The following RTL4 variants were observed in gnomAD, a reference collection of about 807,000 sequenced individuals.
RTL4 encodes the protein retrotransposon Gag-like protein 4.
In RTL4, 4 loss-of-function variants were observed where a neutral mutation model predicts 5.3. That is an observed-to-expected ratio of 0.75 (90% CI 0.37 to 1.72). The LOEUF (loss-of-function observed/expected upper bound fraction) is 1.72. Among genes scored for constraint, RTL4 ranks in the 40% most tolerant of loss-of-function variants. The pLI is 0.04. For synonymous variants in RTL4, 98 were observed against 87.3 expected (o/e 1.12, Z -0.68); for missense variants, 260 against 227.1 (o/e 1.14, Z -0.93).
the RTL4 span, among the ~76,000 whole-genome samples, chrX:112,323,668 T>C: frequency 9.1e-6 from 1 of 109,777 alleles, no homozygotes. Context: ...AATTTTTGTA[T>C]TTTTTGTAGA....
the RTL4 span, among the ~76,000 whole-genome samples, chrX:112,413,085 C>A: frequency 2.1e-3 from 232 of 111,883 alleles, no homozygotes; most frequent in African/African-American, 7.0e-3. Context: ...ATGCAAATGG[C>A]AAACAGGCAT....
At chrX:112,103,282 A>G in the RTL4 span, among the ~76,000 whole-genome samples, 7 of 111,583 alleles carry the variant, frequency 6.3e-5, no homozygotes, top group African/African-American at 2.3e-4. Context: ...ACATGGATTG[A>G]GCTGGGAGCC....
the RTL4 span, among the ~76,000 whole-genome samples, chrX:112,226,441 A>ATTCTT: frequency 4.1e-4 from 46 of 112,176 alleles, no homozygotes; most frequent in African/African-American, 1.5e-3. Flanking sequence ...ATCCTTAAGC[A>ATTCTT]GATTTACTCT....
chrX:112,365,451 A>G, the RTL4 span, among the ~76,000 whole-genome samples: 41 of 111,330 alleles, frequency 3.7e-4, 1 homozygote, highest in East Asian at 9.5e-3. Context: ...ACTTATTTCT[A>G]CTAGTGCCAT....
the RTL4 span, among the ~76,000 whole-genome samples, chrX:112,323,859 T>C: frequency 1.8e-5 from 2 of 112,495 alleles, no homozygotes; most frequent in Admixed American, 9.5e-5. Context: ...ATTTTTCATA[T>C]ACTGTCTAGT....
At chrX:112,325,126 A>G in the RTL4 span, among the ~76,000 whole-genome samples, 2 of 111,395 alleles carry the variant, frequency 1.8e-5, no homozygotes, top group African/African-American at 3.3e-5. Flanking sequence ...AGAACTACAA[A>G]CCGCTGCTCG....
chrX:112,210,740 C>T, the RTL4 span, among the ~76,000 whole-genome samples: 8 of 111,808 alleles, frequency 7.2e-5, no homozygotes, highest in East Asian at 2.0e-3. Context: ...TTTAGGGCAT[C>T]CCGTCCAAGG....
the RTL4 span, among the ~76,000 whole-genome samples, chrX:112,349,335 C>T: frequency 9.0e-6 from 1 of 111,100 alleles, no homozygotes; most frequent in Admixed American, 9.6e-5. Flanking sequence ...ACTTGATAAC[C>T]AGTTAAAGAT....
At chrX:112,130,110 GT>G in the RTL4 span, among the ~76,000 whole-genome samples, 152 of 111,284 alleles carry the variant, frequency 1.4e-3, 1 homozygote, top group Non-Finnish European at 1.7e-3. Flanking sequence ...AAATGCTAGG[GT>G]TTTTTTGAAA....
the RTL4 span, among the ~76,000 whole-genome samples, chrX:112,379,378 G>A: frequency 8.9e-6 from 1 of 112,324 alleles, no homozygotes; most frequent in African/African-American, 3.2e-5. Context: ...TAAACTCTGA[G>A]TCACCCACTA....
chrX:112,409,562 A>G, the RTL4 span, among the ~76,000 whole-genome samples: 2 of 102,100 alleles, frequency 2.0e-5, no homozygotes, highest in African/African-American at 3.4e-5. Flanking sequence ...TCTACTAAAA[A>G]TACAAAAAAT....
the RTL4 span, among the ~76,000 whole-genome samples, chrX:112,086,384 G>C: frequency 1.8e-5 from 2 of 112,260 alleles, no homozygotes; most frequent in African/African-American, 6.5e-5. Flanking sequence ...CTCAACAATG[G>C]CAAAAGCAAA....
the RTL4 span, among the ~76,000 whole-genome samples, chrX:112,219,566 G>A: frequency 8.9e-6 from 1 of 111,832 alleles, no homozygotes; most frequent in East Asian, 2.8e-4. Flanking sequence ...AAAAACAGTT[G>A]TGATTTAAAT....
At chrX:112,281,481 T>G in the RTL4 span, among the ~76,000 whole-genome samples, 5 of 111,849 alleles carry the variant, frequency 4.5e-5, no homozygotes, top group Admixed American at 3.8e-4. Flanking sequence ...GACATACTGA[T>G]TTTGTTTCCT....
the RTL4 span, among the ~76,000 whole-genome samples, chrX:112,304,392 T>C: frequency 9.0e-6 from 1 of 110,910 alleles, no homozygotes; most frequent in African/African-American, 3.3e-5. Context: ...ACTTGGTTAT[T>C]TTGACAGTGT....
At chrX:112,310,112 A>G in the RTL4 span, among the ~76,000 whole-genome samples, 2 of 103,604 alleles carry the variant, frequency 1.9e-5, no homozygotes, top group Non-Finnish European at 3.9e-5. Context: ...TATGGACTGA[A>G]TTGTACCCCC....
the RTL4 span, among the ~76,000 whole-genome samples, chrX:112,201,220 G>A: frequency 3.6e-5 from 4 of 110,383 alleles, no homozygotes; most frequent in Admixed American, 9.6e-5. Context: ...AGAACTGCAT[G>A]GGGGAAACCA....
the RTL4 span, among the ~76,000 whole-genome samples, chrX:112,163,545 C>T: frequency 8.9e-6 from 1 of 111,783 alleles, no homozygotes; most frequent in Middle Eastern, 4.6e-3. Flanking sequence ...GCCTACATGT[C>T]TTTTTCTTGA....
At chrX:112,119,509 T>C in the RTL4 span, among the ~76,000 whole-genome samples, 1 of 111,304 alleles carries the variant, frequency 9.0e-6, no homozygotes, top group Non-Finnish European at 1.9e-5. Context: ...GGACAGGACA[T>C]ACTAGCATTG....
Sources: gnomAD v4.1 joint callset for allele counts (sites outside exome capture counted in the v4.1 genomes callset) on GRCh38, gnomAD v4.1.1 for gene constraint, MANE v1.5 for transcripts, NCBI Gene and HGNC (gene_info 2026-07-23, HGNC 2026-07-21) for gene names.